KMT2C: variants seen among roughly 807,000 people sequenced by gnomAD.
The protein encoded by KMT2C is lysine methyltransferase 2C.
In KMT2C, 88 loss-of-function variants were observed where a neutral mutation model predicts 507.9. The ratio of observed to expected loss-of-function variants is 0.17; its 90% CI spans 0.15 to 0.21. The LOEUF (loss-of-function observed/expected upper bound fraction) is 0.21, where lower values mean the gene tolerates loss of function less well. Ranked by LOEUF, KMT2C falls within the 10% of genes least tolerant of loss-of-function variation. The probability of loss-of-function intolerance (pLI) is 1.00; values close to 1 mark genes in which losing one functional copy is unlikely to be tolerated. For missense variants in KMT2C, 4,954 were observed against 5,957.8 expected, an observed-to-expected ratio of 0.83 and a Z score of 5.55; for synonymous variants, 2,049 against 2,080.8, an observed-to-expected ratio of 0.98 and a Z score of 0.42.
chr7:152,183,568 C>T (rs905285298), intron 34 of KMT2C, among the ~76,000 whole-genome samples: 1 of 151,848 alleles, frequency 6.6e-6, no homozygotes, highest in African/African-American at 2.4e-5. Flanking sequence ...TTGAGATCAG[C>T]CTGACCAACA....
At chr7:152,331,607 T>TCAACAACAA (rs368990623) in intron 2 of KMT2C, among the ~76,000 whole-genome samples, 37 of 134,308 alleles carry the variant, frequency 2.8e-4, no homozygotes, top group African/African-American at 8.9e-4. Flanking sequence ...AGATCCTACC[T>TCAACAACAA]CAACAACAAC....
chr7:152,209,247 G>T (rs573346045), intron 23 of KMT2C, among the ~76,000 whole-genome samples: 3 of 151,846 alleles, frequency 2.0e-5, no homozygotes, highest in South Asian at 4.2e-4. Flanking sequence ...ACGAGGTCAG[G>T]AGATCGAGAC....
chr7:152,428,458 C>CAAAA (rs140697569), intron 1 of KMT2C, among the ~76,000 whole-genome samples: 15 of 73,504 alleles, frequency 2.0e-4, no homozygotes, highest in South Asian at 5.8e-4. Context: ...ACTAAAAATA[C>CAAAA]AAAAAAAAAA....
intron 1 of KMT2C, among the ~76,000 whole-genome samples, chr7:152,389,046 C>T (rs2097462614): frequency 6.6e-6 from 1 of 152,108 alleles, no homozygotes; most frequent in Admixed American, 6.6e-5. Context: ...CCGCGCCCGA[C>T]CAACTTTTTG....
intron 1 of KMT2C, among the ~76,000 whole-genome samples, chr7:152,385,913 C>A (rs1329351259): frequency 6.6e-6 from 1 of 151,538 alleles, no homozygotes; most frequent in Non-Finnish European, 1.5e-5. Flanking sequence ...CACAGTGAAA[C>A]CCCGACTCTA....
chr7:152,370,145 G>A (rs573112142), intron 1 of KMT2C, among the ~76,000 whole-genome samples: 191 of 149,248 alleles, frequency 1.3e-3, no homozygotes, highest in Non-Finnish European at 2.4e-3. Flanking sequence ...AGTGAGCCGA[G>A]ATCACACAAC....
intron 2 of KMT2C, among the ~76,000 whole-genome samples, chr7:152,335,700 CT>C (rs1039075306): frequency 3.3e-5 from 5 of 152,062 alleles, no homozygotes; most frequent in African/African-American, 1.2e-4. Flanking sequence ...ATACATAGCA[CT>C]TTTATTATTT....
At chr7:152,198,522 G>A (rs1380849289) in intron 27 of KMT2C, among the ~76,000 whole-genome samples, 1 of 152,148 alleles carries the variant, frequency 6.6e-6, no homozygotes, top group Non-Finnish European at 1.5e-5. Context: ...CAGAACCATA[G>A]GGGAGAAGTG....
At chr7:152,202,331 G>A (rs928928877) in intron 26 of KMT2C, among the ~76,000 whole-genome samples, 16 of 152,126 alleles carry the variant, frequency 1.1e-4, no homozygotes, top group African/African-American at 3.4e-4. Context: ...AGCTGTTTCC[G>A]TATCACATGG....
chr7:152,328,770 T>G (rs1386285436), intron 3 of KMT2C, among the ~76,000 whole-genome samples: 1 of 152,042 alleles, frequency 6.6e-6, no homozygotes, highest in Non-Finnish European at 1.5e-5. Flanking sequence ...ACTAACAAGT[T>G]GTTTGGGTTA....
At chr7:152,349,820 A>G (rs988840659) in intron 2 of KMT2C, among the ~76,000 whole-genome samples, 1 of 152,200 alleles carries the variant, frequency 6.6e-6, no homozygotes. Context: ...GGCTTAAAAA[A>G]TTGTGACAAA....
chr7:152,232,856 A>G (rs2095162636), intron 16 of KMT2C, among the ~76,000 whole-genome samples: 1 of 152,172 alleles, frequency 6.6e-6, no homozygotes, highest in East Asian at 1.9e-4. Flanking sequence ...ATTGAGATAT[A>G]TAATTATGGA....
intron 6 of KMT2C, among the ~76,000 whole-genome samples, chr7:152,306,459 C>T (rs2096616548): frequency 1.3e-5 from 2 of 152,320 alleles, no homozygotes; most frequent in Admixed American, 6.5e-5. Flanking sequence ...GATTTATCTG[C>T]ATGGTACTCC....
intron 2 of KMT2C, among the ~76,000 whole-genome samples, chr7:152,337,200 G>A (rs770979750): frequency 6.6e-6 from 1 of 152,054 alleles, no homozygotes; most frequent in Non-Finnish European, 1.5e-5. Context: ...AGCCTGGGAG[G>A]CAGAGGTTGC....
At position 152,183,177 on chromosome 7, in the gene KMT2C, A is replaced by C. The variant is rs754655612; in HGVS notation, c.5083-21T>G. On this transcript the variant is annotated intron_variant, in intron 34 of 58. Transcript: ENST00000262189. ...TTTTGCTTTGACAAAAGAAGAGAAA[A>C]AAATTTCCCAGATTATGTTAAATGT... is the stretch of plus-strand genomic sequence containing the variant. The C allele has an allele frequency of 1.8e-5, 27 of 1,500,058 alleles. No homozygotes were observed. In the Admixed American group the frequency reaches 6.5e-4, roughly 36 times the overall value. The allele number at this position is 1,500,058 out of a possible 1,614,324, so 92.9% of individuals were successfully genotyped here.
At chr7:152,363,131 A>G (rs1402883881) in intron 1 of KMT2C, among the ~76,000 whole-genome samples, 1 of 152,232 alleles carries the variant, frequency 6.6e-6, no homozygotes, top group African/African-American at 2.4e-5. Flanking sequence ...CAAAATAGAT[A>G]CATGTTTTAT....
At chr7:152,165,147 G>A (rs1392593963) in intron 42 of KMT2C, among the ~76,000 whole-genome samples, 1 of 152,226 alleles carries the variant, frequency 6.6e-6, no homozygotes, top group East Asian at 1.9e-4. Context: ...ATTGGTTGGT[G>A]AAGTAGTAAG....
chr7:152,230,418 T>A, intron 16 of KMT2C, 97 bp from the exon 17 acceptor site: 1 of 561,992 alleles, frequency 1.8e-6, no homozygotes, highest in Non-Finnish European at 3.1e-6. Flanking sequence ...AAAACATATA[T>A]TTTGGCTAAG....
chr7:152,351,450 C>T (rs2097110189), intron 2 of KMT2C, among the ~76,000 whole-genome samples: 1 of 152,124 alleles, frequency 6.6e-6, no homozygotes. Flanking sequence ...TTTCTCCGCT[C>T]CATTATAATT....
Sources: gnomAD v4.1 joint callset for allele counts (sites outside exome capture counted in the v4.1 genomes callset) on GRCh38, gnomAD v4.1.1 for gene constraint, MANE v1.5 for transcripts, NCBI Gene and HGNC (gene_info 2026-07-23, HGNC 2026-07-21) for gene names.